IL3RA: variants seen among roughly 807,000 people sequenced by gnomAD.
IL3RA encodes interleukin-3 receptor subunit alpha.
Under a neutral mutation model 52.3 loss-of-function variants are expected in IL3RA, and 73 were observed. The observed-to-expected ratio is 1.40, with a 90% CI of 1.16 to 1.70. The LOEUF is 1.70. Ranked by LOEUF, IL3RA falls within the 40% of genes most tolerant of loss-of-function variation. IL3RA has a pLI of 0.00. For synonymous variants in IL3RA, 260 were observed against 194.0 expected (o/e 1.34, Z -2.83); for missense variants, 664 against 504.4 (o/e 1.32, Z -3.03).
intron 2 of IL3RA, among the ~76,000 whole-genome samples, chrX:1,343,494 G>A (rs1275902306): frequency 7.2e-5 from 10 of 138,522 alleles, no homozygotes; most frequent in Non-Finnish European, 1.3e-4. Flanking sequence ...GTGAAACCCC[G>A]TCTGTACTAA....
intron 9 of IL3RA, among the ~76,000 whole-genome samples, chrX:1,367,944 G>C (rs1201597508): frequency 6.6e-6 from 1 of 152,012 alleles, no homozygotes; most frequent in African/African-American, 2.4e-5. Flanking sequence ...CTCACAGCTT[G>C]CTCTTACTCA....
intron 9 of IL3RA, among the ~76,000 whole-genome samples, chrX:1,367,945 C>G (rs1470426174): frequency 1.3e-5 from 2 of 152,044 alleles, no homozygotes; most frequent in Non-Finnish European, 1.5e-5. Context: ...TCACAGCTTG[C>G]TCTTACTCAC....
rs1184963809 is a variant in IL3RA, at chrX:1,378,666, C to T, written c.882C>T (p.Asp294=). ...CTCACCCTTTACCCCTAGAGTGCGACCAGGAGGAGGGCGCAAACACACGTG... is the reference window on the plus strand; with the variant it reads ...CTCACCCTTTACCCCTAGAGTGCGATCAGGAGGAGGGCGCAAACACACGTG... ...AWSTPQRFEC[D]QEEGANTRAW... is the part of the protein sequence containing the mutation. The change falls in exon 10 of 12, where the codon GAC becomes GAT. Residue 294 remains aspartate, a synonymous_variant. Transcript: ENST00000331035. 4 of 1,612,240 alleles carry T rather than the reference C, an allele frequency of 2.5e-6. No homozygotes were observed. The highest frequency in any genetic ancestry group is 3.4e-6 in the Non-Finnish European group (4 of 1,179,764).
At chrX:1,345,023 G>C (rs1408781163) in intron 2 of IL3RA, among the ~76,000 whole-genome samples, 2 of 122,034 alleles carry the variant, frequency 1.6e-5, no homozygotes, top group Non-Finnish European at 3.8e-5. Context: ...AAAAAAATTA[G>C]CCGGGCGTGG....
intron 9 of IL3RA, among the ~76,000 whole-genome samples, chrX:1,376,621 A>G (rs1157061931): frequency 3.5e-5 from 5 of 142,700 alleles, no homozygotes; most frequent in Admixed American, 1.4e-4. Flanking sequence ...CACACGGAGG[A>G]ACAACCCTGT....
intron 1 of IL3RA, among the ~76,000 whole-genome samples, chrX:1,339,572 T>C (rs1478937181): frequency 1.3e-5 from 2 of 152,052 alleles, no homozygotes; most frequent in African/African-American, 4.8e-5. Context: ...GGCGGGTGGA[T>C]CATGAGGTCA....
chrX:1,341,348 TACAC>T (rs1433417349), intron 1 of IL3RA, among the ~76,000 whole-genome samples: 4 of 150,728 alleles, frequency 2.7e-5, no homozygotes, highest in Non-Finnish European at 4.4e-5. Context: ...TGCACACAGA[TACAC>T]ACGGGCACAA....
intron 4 of IL3RA, among the ~76,000 whole-genome samples, chrX:1,349,504 G>A (rs757100328): frequency 1.3e-3 from 192 of 151,822 alleles, no homozygotes; most frequent in African/African-American, 4.5e-3. Flanking sequence ...TAGAGATGGG[G>A]TGTCGCTATG....
At chrX:1,341,933 CTCA>C in intron 2 of IL3RA, 104 bp downstream of exon 2, 1 of 1,251,920 alleles carries the variant, frequency 8.0e-7, no homozygotes, top group Non-Finnish European at 1.2e-6. Flanking sequence ...TCATGCTGAG[CTCA>C]TGGCAGAGTC....
At chrX:1,345,550 C>T (rs2148904800) in intron 3 of IL3RA, 116 bp downstream of exon 3, 1 of 617,796 alleles carries the variant, frequency 1.6e-6, no homozygotes, top group East Asian at 3.5e-5. Flanking sequence ...ACTGCGGTGA[C>T]CCGATCTCCG....
At chrX:1,343,418 A>G (rs2085571536) in intron 2 of IL3RA, among the ~76,000 whole-genome samples, 1 of 151,844 alleles carries the variant, frequency 6.6e-6, no homozygotes, top group South Asian at 2.1e-4. Context: ...TAATCCCAGC[A>G]CTTTGGGAGG....
intron 7 of IL3RA, among the ~76,000 whole-genome samples, chrX:1,357,755 C>A (rs1429028309): frequency 6.7e-6 from 1 of 149,048 alleles, no homozygotes; most frequent in Non-Finnish European, 1.5e-5. Flanking sequence ...CTATTAATTT[C>A]TTTTATATTA....
In IL3RA at chrX:1,352,490, C is replaced by T. The variant is rs769469062; in HGVS notation, c.600C>T (p.Val200=). Residue 200 remains valine (V), a synonymous_variant, in exon 6 of 12, where the codon GTC becomes GTT. Transcript: ENST00000331035. ...GTATCCCCTGCACAGATAAGTTTGT[C>T]GTCTTTTCACAGATTGGTGAGTAGC... is the stretch of plus-strand genomic sequence containing the variant. ...AFGIPCTDKF[V]VFSQIEILTP... is the part of the protein sequence containing the mutation. 5.6e-6 allele frequency: 9 copies of T among 1,613,382 alleles called. No homozygotes were observed. Among genetic ancestry groups the T allele is most frequent in the South Asian group, 4.4e-5 (4 of 91,072 alleles).
intron 4 of IL3RA, among the ~76,000 whole-genome samples, chrX:1,348,961 TTCTC>T (rs764879062): frequency 6.9e-6 from 1 of 145,302 alleles, no homozygotes; most frequent in African/African-American, 2.5e-5. Context: ...CTCCTTCCCT[TTCTC>T]TCTCTCTCTC....
At chrX:1,350,902 G>C (rs867111382) in intron 4 of IL3RA, among the ~76,000 whole-genome samples, 1 of 146,034 alleles carries the variant, frequency 6.8e-6, no homozygotes, top group African/African-American at 2.6e-5. Context: ...CACACACACA[G>C]ATGCACACAC....
At chrX:1,341,583 C>A in intron 1 of IL3RA, 145 bp from the exon 2 acceptor site, 1 of 647,602 alleles carries the variant, frequency 1.5e-6, no homozygotes, top group Non-Finnish European at 2.8e-6. Context: ...CACACAGACA[C>A]ATATGCACAC....
At position 1,349,189 on chromosome X, in the gene IL3RA, T is replaced by TTC. The variant is rs1238453653; in HGVS notation, c.298+645_298+646insCT. On this transcript the variant is annotated intron_variant, in intron 4 of 11. Coordinates refer to ENST00000331035, the MANE Select transcript of IL3RA (RefSeq NM_002183.4). The stretch of plus-strand genomic sequence containing the variant: ...TGCCCACCTAATTTTTTAAACACCT[T>TTC]TTTTTTTTTTTAGACAGAGTCTCAC... 5.4e-5 allele frequency among the ~76,000 whole-genome samples: 8 copies of TTC among 147,836 alleles called. No individual in the cohort carries two copies. The East Asian group carries it at 1.6e-3, about 29-fold the overall frequency.
At chrX:1,357,637 C>G (rs2086838968) in intron 7 of IL3RA, among the ~76,000 whole-genome samples, 1 of 151,964 alleles carries the variant, frequency 6.6e-6, no homozygotes, top group South Asian at 2.1e-4. Context: ...GCTGGGATTA[C>G]AGGCGTGAGG....
At chrX:1,338,937 C>T (rs1569518636) in intron 1 of IL3RA, among the ~76,000 whole-genome samples, 2 of 152,062 alleles carry the variant, frequency 1.3e-5, no homozygotes, top group African/African-American at 4.8e-5. Flanking sequence ...GTAGCTGGGA[C>T]TACAGGCACC....
Sources: allele counts gnomAD v4.1 joint callset (sites outside exome capture counted in the v4.1 genomes callset), GRCh38; gene constraint gnomAD v4.1.1; transcripts MANE v1.5; gene names NCBI Gene and HGNC (gene_info 2026-07-23, HGNC 2026-07-21).